PTPRN2: variants seen among roughly 807,000 people sequenced by gnomAD.
The protein encoded by PTPRN2 is protein tyrosine phosphatase receptor type N2.
In PTPRN2, 74 loss-of-function variants were observed where a neutral mutation model predicts 118.8. That is an observed-to-expected ratio of 0.62 (90% CI 0.52 to 0.76). PTPRN2 has a LOEUF of 0.76. Among genes scored for constraint, PTPRN2 ranks in the 30% least tolerant of loss-of-function variants. PTPRN2 has a pLI of 0.00. For missense variants in PTPRN2, 1,481 were observed against 1,394.4 expected (o/e 1.06, Z -0.99); for synonymous variants, 641 against 608.0 (o/e 1.05, Z -0.80).
At chr7:158,434,529 G>A (rs111981128) in intron 2 of PTPRN2, among the ~76,000 whole-genome samples, 142 of 152,014 alleles carry the variant, frequency 9.3e-4, no homozygotes, top group African/African-American at 3.3e-3. Context: ...CTCTTCCAGC[G>A]TTTCAAACTT....
rs1809111932 is a variant in PTPRN2, at chr7:158,362,879, C to G, written c.164-45947G>C. On this transcript the variant is annotated intron_variant, in intron 2 of 22. Coordinates refer to ENST00000389418, the MANE Select transcript of PTPRN2 (RefSeq NM_002847.5). ...CCCAAAGCCCCAGATGGGACTGGCT[C>G]AGTCACCGTCCCTCTGGGGACCTTG... 2.0e-5 allele frequency among the ~76,000 whole-genome samples: 3 copies of G among 152,284 alleles called. No individual in the cohort carries two copies. The South Asian group carries it at 6.2e-4, about 32-fold the overall frequency.
chr7:157,647,044 C>G (rs541931546), intron 14 of PTPRN2, among the ~76,000 whole-genome samples: 3 of 141,002 alleles, frequency 2.1e-5, no homozygotes, highest in African/African-American at 2.6e-5. Context: ...TCGGACCCAT[C>G]CAGCGTGCAC....
chr7:158,011,736 A>C (rs1018764679), intron 11 of PTPRN2, among the ~76,000 whole-genome samples: 1 of 152,226 alleles, frequency 6.6e-6, no homozygotes, highest in Non-Finnish European at 1.5e-5. Flanking sequence ...ACTGTCATCT[A>C]ATTTTCTGTC....
In PTPRN2 at chr7:157,903,601, C is replaced by T. The variant is rs1271353782; in HGVS notation, c.1724-4864G>A. Among the ~76,000 whole-genome samples the T allele has an allele frequency of 5.3e-5, 8 of 151,572 alleles. No individual in the cohort carries two copies. The highest frequency in any genetic ancestry group is 8.8e-5 in the Non-Finnish European group (6 of 67,976). On this transcript the variant is annotated intron_variant, in intron 11 of 22. Coordinates refer to ENST00000389418, the MANE Select transcript of PTPRN2 (RefSeq NM_002847.5). This position sits in a 1 kb window ranked among gnomAD's most constrained non-coding sequence, Gnocchi z 4.2. Reference sequence around the variant, plus strand: ...ATGTAGTTCAGTCGGTTTAAATCAGCGATTGAAGCAAACAACCTGAATTAG... The same window carrying T: ...ATGTAGTTCAGTCGGTTTAAATCAGTGATTGAAGCAAACAACCTGAATTAG...
At chr7:158,174,382 A>G (rs536127361) in intron 5 of PTPRN2, among the ~76,000 whole-genome samples, 21 of 151,626 alleles carry the variant, frequency 1.4e-4, no homozygotes, top group African/African-American at 5.1e-4. Context: ...CATCCCCACC[A>G]TCATCATCTT....
intron 12 of PTPRN2, among the ~76,000 whole-genome samples, chr7:157,880,612 C>G (rs1188029510): frequency 6.6e-6 from 1 of 152,154 alleles, no homozygotes; most frequent in Non-Finnish European, 1.5e-5. Flanking sequence ...CAGGCCATCT[C>G]CACGCTGAGC....
At chr7:157,933,400 G>A (rs1799505112) in intron 11 of PTPRN2, among the ~76,000 whole-genome samples, 1 of 149,936 alleles carries the variant, frequency 6.7e-6, no homozygotes, top group African/African-American at 2.5e-5. Flanking sequence ...CACTCTGACT[G>A]ACAGTTTTAG....
Position 158,523,335 on chromosome 7 carries a change from G to A in PTPRN2, c.113-33550C>T, listed in dbSNP as rs142118032. Among the ~76,000 whole-genome samples, 519 of 152,326 alleles carry A rather than the reference G, an allele frequency of 3.4e-3. 1 individual carries two copies. The highest frequency in any genetic ancestry group is 0.01 in the Middle Eastern group (3 of 294). On this transcript the variant is annotated intron_variant, in intron 1 of 22. Transcript: ENST00000389418. ...CCAAAGGAGCAGCCACCATGCTGCCGACAGCGAGTCTGCCCTGAAGTGGAG... is the reference window on the plus strand; with the variant it reads ...CCAAAGGAGCAGCCACCATGCTGCCAACAGCGAGTCTGCCCTGAAGTGGAG...
At chr7:158,063,618 G>GT (rs1810526862) in intron 11 of PTPRN2, among the ~76,000 whole-genome samples, 1 of 152,198 alleles carries the variant, frequency 6.6e-6, no homozygotes, top group Non-Finnish European at 1.5e-5. Flanking sequence ...TTTATGAGCT[G>GT]TAACACTCAC....
At chr7:158,549,182 A>T (rs1826483932) in intron 1 of PTPRN2, among the ~76,000 whole-genome samples, 1 of 152,212 alleles carries the variant, frequency 6.6e-6, no homozygotes, top group Non-Finnish European at 1.5e-5. Context: ...GTCTGCATAA[A>T]TGATTCAGGC....
rs144123533 is a variant in PTPRN2 at position 157,954,955 on chromosome 7, T to C, written c.1724-56218A>G. On this transcript the variant is annotated intron_variant, in intron 11 of 22. Coordinates refer to ENST00000389418, the MANE Select transcript of PTPRN2 (RefSeq NM_002847.5). ...GACTTAAAATTTAAAAATTTAGAAATTGCTGGCAATCTTTTTGTTTTTACA... is the reference window on the plus strand; with the variant it reads ...GACTTAAAATTTAAAAATTTAGAAACTGCTGGCAATCTTTTTGTTTTTACA... Among the ~76,000 whole-genome samples, 823 of 152,358 alleles carry C rather than the reference T, an allele frequency of 5.4e-3. 9 individuals carry two copies. Among genetic ancestry groups the C allele is most frequent in the African/African-American group, 0.019 (779 of 41,586 alleles).
At chr7:158,398,251 G>T (rs964165064) in intron 2 of PTPRN2, among the ~76,000 whole-genome samples, 5 of 152,216 alleles carry the variant, frequency 3.3e-5, no homozygotes, top group African/African-American at 1.2e-4. Context: ...TCAAAACCAG[G>T]GTGGTAGCAA....
chr7:158,131,874 C>T (rs1818345392), intron 9 of PTPRN2, among the ~76,000 whole-genome samples: 1 of 149,656 alleles, frequency 6.7e-6, no homozygotes, highest in African/African-American at 2.5e-5. Context: ...AACTGATACA[C>T]ATCTACCTGA....
chr7:158,212,849 C>A (rs1827702977), intron 3 of PTPRN2, among the ~76,000 whole-genome samples: 1 of 152,076 alleles, frequency 6.6e-6, no homozygotes, highest in South Asian at 2.1e-4. Flanking sequence ...TATCATGGGG[C>A]TTAATGTACT....
chr7:158,352,915 G>A (rs987223677), intron 2 of PTPRN2, among the ~76,000 whole-genome samples: 20 of 152,200 alleles, frequency 1.3e-4, no homozygotes, highest in Admixed American at 6.5e-4. Flanking sequence ...AGCTGCTTTC[G>A]CCGCACCAGG....
intron 11 of PTPRN2, 67 bp downstream of exon 11, chr7:158,081,229 CGT>C: frequency 7.1e-7 from 1 of 1,409,288 alleles, no homozygotes; most frequent in Non-Finnish European, 1.0e-6. Context: ...TGTGCATGTG[CGT>C]GTTTGCGTGC....
At chr7:158,456,639 T>A (rs1217559107) in intron 2 of PTPRN2, among the ~76,000 whole-genome samples, 1 of 152,270 alleles carries the variant, frequency 6.6e-6, no homozygotes, top group Non-Finnish European at 1.5e-5. Context: ...CACCCATCAC[T>A]CTGCAGTGGC....
At chr7:158,395,314 AGGGGCG>A (rs1563239827) in intron 2 of PTPRN2, among the ~76,000 whole-genome samples, 43 of 62,004 alleles carry the variant, frequency 6.9e-4, no homozygotes, top group African/African-American at 2.6e-3. Context: ...GCGAGGGGTG[AGGGGCG>A]AGGGGCGAGG....
intron 12 of PTPRN2, among the ~76,000 whole-genome samples, chr7:157,769,353 G>A (rs1385241767): frequency 6.6e-6 from 1 of 152,182 alleles, no homozygotes. Context: ...CAACCAGCTC[G>A]CCCTGCTGGA....
Sources: allele counts gnomAD v4.1 joint callset (sites outside exome capture counted in the v4.1 genomes callset), GRCh38; gene constraint gnomAD v4.1.1; non-coding constraint Gnocchi (gnomAD v3.1); transcripts MANE v1.5; gene names NCBI Gene and HGNC (gene_info 2026-07-23, HGNC 2026-07-21).